SIPA1: variants seen among roughly 807,000 people sequenced by gnomAD.
SIPA1 encodes signal-induced proliferation-associated protein 1.
In SIPA1, 51 loss-of-function variants were observed where a neutral mutation model predicts 88.1. The observed-to-expected ratio is 0.58, with a 90% confidence interval of 0.46 to 0.73. The LOEUF (loss-of-function observed/expected upper bound fraction) is 0.73, where lower values mean the gene tolerates loss of function less well. Among genes scored for constraint, SIPA1 ranks in the 30% least tolerant of loss-of-function variants. SIPA1 has a pLI of 0.00. For missense variants in SIPA1, 1,348 were observed against 1,467.6 expected (o/e 0.92, Z 1.33); for synonymous variants, 681 against 664.8 (o/e 1.02, Z -0.37).
rs1175016277 is a variant in SIPA1 at position 65,646,199 on chromosome 11, GCC to G, written c.1264-19_1264-18del. The G allele has an allele frequency of 6.2e-7, 1 of 1,612,324 alleles. No individual in the cohort carries two copies. The highest frequency in any genetic ancestry group is 8.5e-7 in the Non-Finnish European group (1 of 1,179,398). On this transcript the variant is annotated intron_variant, in intron 6 of 15. Coordinates refer to ENST00000534313, the MANE Select transcript of SIPA1 (RefSeq NM_006747.4). The surrounding 1 kb of genome is among the most constrained non-coding windows in gnomAD (Gnocchi z 7.5). ...TGGGGCACAGAAGACCTCATCACGA[GCC>G]CCTACTATCCAACCCCTAGCTCCTC... is the stretch of plus-strand genomic sequence containing the variant.
chr11:65,650,716 GC>G lies in SIPA1; in HGVS notation c.*3del. The G allele has an allele frequency of 6.4e-7, 1 of 1,571,210 alleles. No individual in the cohort carries two copies. Among genetic ancestry groups the G allele is most frequent in the Non-Finnish European group, 8.6e-7 (1 of 1,158,450 alleles). On this transcript the variant is annotated 3_prime_UTR_variant, in exon 16 of 16. Coordinates refer to ENST00000534313, the MANE Select transcript of SIPA1 (RefSeq NM_006747.4). ...CTCACCCACCGCCGACCTGGCCTGA[GC>G]CGTCTGGAACCACCTGGGCCCCTGA...
chr11:65,646,070 T>C lies in SIPA1; in HGVS notation c.1263+113T>C. The C allele has an allele frequency of 7.9e-7, 1 of 1,261,746 alleles. No individual in the cohort carries two copies. Among genetic ancestry groups the C allele is most frequent in the East Asian group, 2.4e-5 (1 of 42,178 alleles). 78.2% of individuals were successfully genotyped at this position (1,261,746 alleles called of 1,614,324 possible). ...TCTGTTGGCCCCAACAGCCCGCCCCTCTGGTGGCCCCTTCCCAAAGACAGA... is the reference window on the plus strand; with the variant it reads ...TCTGTTGGCCCCAACAGCCCGCCCCCCTGGTGGCCCCTTCCCAAAGACAGA... On this transcript the variant is annotated intron_variant, in intron 6 of 15. Coordinates refer to ENST00000534313, the MANE Select transcript of SIPA1 (RefSeq NM_006747.4). This position sits in a 1 kb window ranked among gnomAD's most constrained non-coding sequence, Gnocchi z 7.5.
In SIPA1 at chr11:65,645,954, G is replaced by A; in HGVS notation, c.1260G>A (p.Gln420=). 1.2e-6 allele frequency: 2 copies of A among 1,609,576 alleles called. No homozygotes were observed. The highest frequency in any genetic ancestry group is 1.7e-6 in the Non-Finnish European group (2 of 1,177,006). ...TGCCTTACACCCCTAATAACCAGCA[G>A]CAGGTGTGAGGGGGACCAACGTGGG... ...TMLPYTPNNQ[Q]QLLRKRHIGN... is the part of the protein sequence containing the mutation. Residue 420 remains glutamine, a synonymous_variant, in exon 6 of 16, where the codon CAG becomes CAA. Coordinates refer to ENST00000534313, the MANE Select transcript of SIPA1 (RefSeq NM_006747.4).
At chr11:65,644,176 C>T (rs1023165698) in intron 4 of SIPA1, among the ~76,000 whole-genome samples, 8 of 150,066 alleles carry the variant, frequency 5.3e-5, no homozygotes, top group African/African-American at 1.7e-4. Flanking sequence ...GAAAAAGGCC[C>T]GGGGTTTGGT....
rs1565181697 is a variant in SIPA1 at position 65,646,599 on chromosome 11, GCCAGTTCCACGCCATGGCCACGCGCA to G, written c.1568_1593del (p.Gln523ProfsTer252). ...GGTGAGCAGGCGGCCGGCCACGCGC[GCCAGTTCCACGCCATGGCCACGCGCA>G]CCCGCCAGCAGTACCTGCAAGACCT... On this transcript the variant is annotated frameshift_variant, in exon 8 of 16. Transcript: ENST00000534313. LOFTEE classifies it high-confidence loss of function. The surrounding 1 kb of genome is among the most constrained non-coding windows in gnomAD (Gnocchi z 7.5). 6.5e-7 allele frequency: 1 copy of G among 1,544,620 alleles called. No homozygotes were observed. The highest frequency in any genetic ancestry group is 1.2e-5 in the South Asian group (1 of 85,040).
Position 65,649,326 on chromosome 11 carries a change from G to C in SIPA1, c.2371G>C (p.Val791Leu). Residue 791 changes from valine (V) to leucine (L), a missense_variant, in exon 10 of 16, where the codon GTG becomes CTG. Val to Leu is a conservative substitution (Grantham distance 32). Coordinates refer to ENST00000534313, the MANE Select transcript of SIPA1 (RefSeq NM_006747.4). ...EPSRRGAPDPVQDEVQGVTLL... is the reference protein window; with the variant it reads ...EPSRRGAPDPLQDEVQGVTLL... Reference sequence around the variant, plus strand: ...TAGCCGGCGGGGGGCCCCAGATCCTGTGCAGGATGAGGTCCAGGGGGTGAC... The same window carrying C: ...TAGCCGGCGGGGGGCCCCAGATCCTCTGCAGGATGAGGTCCAGGGGGTGAC... 6.4e-7 allele frequency: 1 copy of C among 1,559,666 alleles called. No individual in the cohort carries two copies. Among genetic ancestry groups the C allele is most frequent in the African/African-American group, 1.4e-5 (1 of 73,582 alleles).
chr11:65,648,219 C>T (rs950400962), intron 9 of SIPA1, among the ~76,000 whole-genome samples: 3 of 152,116 alleles, frequency 2.0e-5, no homozygotes, highest in Non-Finnish European at 4.4e-5. Flanking sequence ...GCGTTGCTCC[C>T]ACTGCTTAAA....
chr11:65,649,663 C>T lies in SIPA1; in HGVS notation c.2628C>T (p.Pro876=). 1 of 1,614,088 alleles carries T rather than the reference C, an allele frequency of 6.2e-7. No homozygotes were observed. Among genetic ancestry groups the T allele is most frequent in the Non-Finnish European group, 8.5e-7 (1 of 1,180,038 alleles). The stretch of plus-strand genomic sequence containing the variant: ...TACCCAGTGCTGACAGTGAGACACC[C>T]CTGACCCAGGTGAGCAGAAACCAGG... ...PSVPSADSET[P]LTQDRPGSPS... is the part of the protein sequence containing the mutation. Residue 876 remains proline (P), a synonymous_variant, in exon 11 of 16, where the codon CCC becomes CCT. Coordinates refer to ENST00000534313, the MANE Select transcript of SIPA1 (RefSeq NM_006747.4).
Position 65,646,883 on chromosome 11 carries a change from G to A in SIPA1, c.1849G>A (p.Ala617Thr). 1 of 1,506,992 alleles carries A rather than the reference G, an allele frequency of 6.6e-7. No individual in the cohort carries two copies. The highest frequency in any genetic ancestry group is 8.8e-7 in the Non-Finnish European group (1 of 1,132,412). The allele number at this position is 1,506,992 out of a possible 1,614,324, so 93.4% of individuals were successfully genotyped here. Reference sequence around the variant, plus strand: ...CTGCCTGCTGGGCATCTCGGCCGAGGCTCTGGTGCTGGTGGCGCCGCGCGA... The same window carrying A: ...CTGCCTGCTGGGCATCTCGGCCGAGACTCTGGTGCTGGTGGCGCCGCGCGA... ...VPCLLGISAE[A>T]LVLVAPRDGR... The change falls in exon 8 of 16, where the codon GCT becomes ACT. Residue 617 changes from alanine to threonine, a missense_variant. Around this residue, in one of 4 missense-constraint regions of SIPA1, gnomAD observed 24 missense variants for 51.1 expected, o/e 0.47. Transcript: ENST00000534313. This position sits in a 1 kb window ranked among gnomAD's most constrained non-coding sequence, Gnocchi z 7.5.
rs998685570 is a variant in SIPA1 at position 65,638,147 on chromosome 11, A to T, written c.-127A>T. The T allele has an allele frequency of 6.6e-6, 1 of 152,300 alleles. No individual in the cohort carries two copies. Among genetic ancestry groups the T allele is most frequent in the Non-Finnish European group, 1.5e-5 (1 of 68,084 alleles). 9.4% of individuals were successfully genotyped at this position (152,300 alleles called of 1,614,324 possible). On this transcript the variant is annotated 5_prime_UTR_variant, in exon 1 of 16. Coordinates refer to ENST00000534313, the MANE Select transcript of SIPA1 (RefSeq NM_006747.4). ...AGCGGGAGAGCGGCAGCGGGACCCC[A>T]GCGCGGGCGGCGGCGGCTGGGCGGG...
rs368158433 is a variant in SIPA1, at chr11:65,641,153, G to A, written c.232G>A (p.Ala78Thr). ...TGCCCGTGCCCACAGCCACGAAGAG[G>A]CCAGCCGACCTGCAGCCACTTCCAC... ...PRARAHSHEE[A>T]SRPAATSTRL... is the part of the protein sequence containing the mutation. Residue 78 changes from alanine (A) to threonine (T), a missense_variant, in exon 2 of 16, where the codon GCC becomes ACC. This residue lies in a region of SIPA1 where 641 missense variants were observed against 797.7 expected (regional missense o/e 0.80). Transcript: ENST00000534313. The A allele has an allele frequency of 1.9e-6, 3 of 1,606,032 alleles. No homozygotes were observed. The highest frequency in any genetic ancestry group is 2.5e-6 in the Non-Finnish European group (3 of 1,179,834).
At position 65,641,402 on chromosome 11, in the gene SIPA1, G is replaced by A. The variant is rs943526024; in HGVS notation, c.481G>A (p.Gly161Arg). Residue 161 changes from glycine (G) to arginine (R), a missense_variant, in exon 2 of 16, where the codon GGG becomes AGG. This residue lies in a region of SIPA1 where 641 missense variants were observed against 797.7 expected (regional missense o/e 0.80). Coordinates refer to ENST00000534313, the MANE Select transcript of SIPA1 (RefSeq NM_006747.4). ...DQAASSDLLH[G>R]APGFVCELGG... The stretch of plus-strand genomic sequence containing the variant: ...GGCTGCCAGCTCGGACCTGCTGCAT[G>A]GGGCACCTGGCTTTGTGTGTGAGCT... 6.2e-7 allele frequency: 1 copy of A among 1,613,130 alleles called. No homozygotes were observed. Among genetic ancestry groups the A allele is most frequent in the Non-Finnish European group, 8.5e-7 (1 of 1,180,022 alleles).
chr11:65,647,380 G>C lies in SIPA1; in HGVS notation c.2032-4G>C, dbSNP rs757856271. The C allele has an allele frequency of 2.1e-6, 3 of 1,428,264 alleles. No individual in the cohort carries two copies. Among genetic ancestry groups the C allele is most frequent in the Non-Finnish European group, 2.7e-6 (3 of 1,099,700 alleles). 88.5% of individuals were successfully genotyped at this position (1,428,264 alleles called of 1,614,324 possible). A position where few individuals can be genotyped will look rare whatever the true frequency, so the allele number is the denominator to read the frequency against. On this transcript the variant is annotated splice_polypyrimidine_tract_variant and splice_region_variant and intron_variant, in intron 8 of 15. Coordinates refer to ENST00000534313, the MANE Select transcript of SIPA1 (RefSeq NM_006747.4). ...CCCGCCCACTCGTCCCGCCCCGTCC[G>C]CAGCTGGTGAGCCGTGGCTGCGAGA...
chr11:65,649,329 C>A lies in SIPA1; in HGVS notation c.2374C>A (p.Gln792Lys), dbSNP rs1369314823. ...CCGGCGGGGGGCCCCAGATCCTGTG[C>A]AGGATGAGGTCCAGGGGGTGACCCT... ...PSRRGAPDPVQDEVQGVTLLP... is the reference protein window; with the variant it reads ...PSRRGAPDPVKDEVQGVTLLP... The change falls in exon 10 of 16, where the codon CAG (glutamine) becomes AAG (lysine). Residue 792 changes from glutamine to lysine, a missense_variant. This residue lies in a region of SIPA1 where 615 missense variants were observed against 559.8 expected (regional missense o/e 1.10). Transcript: ENST00000534313. 1.3e-6 allele frequency: 2 copies of A among 1,559,704 alleles called. No individual in the cohort carries two copies. The highest frequency in any genetic ancestry group is 8.7e-7 in the Non-Finnish European group (1 of 1,151,922).
chr11:65,650,652 T>G lies in SIPA1; in HGVS notation c.3066T>G (p.Ser1022Arg), dbSNP rs368099696. ...NNRRLQAESE[S>R]AATRLLLASK... is the part of the protein sequence containing the mutation. ...GGCGGCTGCAGGCGGAGTCTGAGAG[T>G]GCAGCCACACGCCTCCTCCTGGCCT... The change falls in exon 16 of 16, where the codon AGT (serine) becomes AGG (arginine). Residue 1022 changes from serine (S) to arginine (R), a missense_variant. Around this residue, in one of 4 missense-constraint regions of SIPA1, gnomAD observed 615 missense variants for 559.8 expected, o/e 1.10. Transcript: ENST00000534313. 1.3e-6 allele frequency: 2 copies of G among 1,573,720 alleles called. No homozygotes were observed. The highest frequency in any genetic ancestry group is 2.3e-5 in the South Asian group (2 of 86,622).
intron 9 of SIPA1, among the ~76,000 whole-genome samples, chr11:65,648,122 C>G (rs540119855): frequency 5.3e-5 from 8 of 152,126 alleles, no homozygotes; most frequent in African/African-American, 1.7e-4. Flanking sequence ...ATCCACCTGC[C>G]TCGCCCTCCC....
chr11:65,640,739 C>G (rs971777728), intron 1 of SIPA1, 92 bp from the exon 2 acceptor site: 1 of 541,946 alleles, frequency 1.8e-6, no homozygotes, highest in East Asian at 3.3e-5. Flanking sequence ...CGGAGGGGGC[C>G]GGAAGCCAAC....
Position 65,646,382 on chromosome 11 carries a change from G to A in SIPA1, c.1421+4G>A. 6.2e-7 allele frequency: 1 copy of A among 1,609,096 alleles called. No homozygotes were observed. The highest frequency in any genetic ancestry group is 1.3e-5 in the African/African-American group (1 of 75,006). ...GCACGCCACACACCACCTACAGGTG[G>A]GCACCGGAGTGGTCCCAGGTCTCCC... On this transcript the variant is annotated splice_donor_region_variant and intron_variant, in intron 7 of 15. Coordinates refer to ENST00000534313, the MANE Select transcript of SIPA1 (RefSeq NM_006747.4). This position sits in a 1 kb window ranked among gnomAD's most constrained non-coding sequence, Gnocchi z 7.5.
chr11:65,650,777 C>A lies in SIPA1; in HGVS notation c.*62C>A. 6.8e-7 allele frequency: 1 copy of A among 1,463,980 alleles called. No homozygotes were observed. The allele number at this position is 1,463,980 out of a possible 1,614,324, so 90.7% of individuals were successfully genotyped here. On this transcript the variant is annotated 3_prime_UTR_variant, in exon 16 of 16. Coordinates refer to ENST00000534313, the MANE Select transcript of SIPA1 (RefSeq NM_006747.4). ...GGTCACACTGGGCCCTCCTCAGGAA[C>A]TCTCCCTGCGCAGAGGCGTGTCTTA...
Sources: gnomAD v4.1 joint callset for allele counts (sites outside exome capture counted in the v4.1 genomes callset) on GRCh38, gnomAD v4.1.1 for gene constraint, gnomAD v4.1.1 regional missense constraint, Gnocchi (gnomAD v3.1) non-coding constraint, MANE v1.5 for transcripts, NCBI Gene and HGNC (gene_info 2026-07-23, HGNC 2026-07-21) for gene names.